SEC14L1: variants seen among roughly 807,000 people sequenced by gnomAD.
SEC14L1 encodes SEC14-like protein 1.
In SEC14L1, 48 loss-of-function variants were observed where a neutral mutation model predicts 85.3. The observed-to-expected ratio is 0.56, with a 90% CI of 0.45 to 0.72. The LOEUF is 0.72. Among genes scored for constraint, SEC14L1 ranks in the 30% least tolerant of loss-of-function variants. The pLI is 0.00. For missense variants in SEC14L1, 682 were observed against 921.4 expected (o/e 0.74, Z 3.36); for synonymous variants, 391 against 355.5 (o/e 1.10, Z -1.12).
At chr17:77,153,307 T>C (rs989615880) in intron 3 of SEC14L1, among the ~76,000 whole-genome samples, 1 of 152,194 alleles carries the variant, frequency 6.6e-6, no homozygotes, top group African/African-American at 2.4e-5. Flanking sequence ...CCTCAAGTGA[T>C]CCACCCTCCT....
At position 77,213,656 on chromosome 17, in the gene SEC14L1, C is replaced by T. The variant is rs1221407855; in HGVS notation, c.2042+164C>T. 1 of 905,354 alleles carries T rather than the reference C, an allele frequency of 1.1e-6. No individual in the cohort carries two copies. Among genetic ancestry groups the T allele is most frequent in the African/African-American group, 1.6e-5 (1 of 60,948 alleles). 56.1% of individuals were successfully genotyped at this position (905,354 alleles called of 1,614,324 possible). A position where few individuals can be genotyped will look rare whatever the true frequency, so the allele number is the denominator to read the frequency against. ...GGGGTCATTTGTTGGCACGGTGACT[C>T]CCTGCCTGTCTGCAGAGGGAGAGTG... On this transcript the variant is annotated intron_variant, in intron 16 of 16. Coordinates refer to ENST00000436233, the MANE Select transcript of SEC14L1 (RefSeq NM_001143998.2). The surrounding 1 kb of genome is among the most constrained non-coding windows in gnomAD (Gnocchi z 7.1).
intron 6 of SEC14L1, among the ~76,000 whole-genome samples, chr17:77,193,766 A>C (rs1975659873): frequency 6.6e-6 from 1 of 152,188 alleles, no homozygotes; most frequent in Non-Finnish European, 1.5e-5. Flanking sequence ...TAGCAATGGC[A>C]CTGTCTGCCT....
At position 77,216,702 on chromosome 17, in the gene SEC14L1, CT is replaced by C; in HGVS notation, c.*2683del. The C allele has an allele frequency of 1.4e-6, 2 of 1,471,198 alleles. No homozygotes were observed. The highest frequency in any genetic ancestry group is 1.9e-6 in the Non-Finnish European group (2 of 1,065,962). 91.1% of individuals were successfully genotyped at this position (1,471,198 alleles called of 1,614,324 possible). On this transcript the variant is annotated 3_prime_UTR_variant, in exon 17 of 17. Transcript: ENST00000436233. ...TTTAAGTTGATTCGGGAGTGGCATTCTTTTATACCCAAAGACTGTAGTGCAT... is the reference window on the plus strand; with the variant it reads ...TTTAAGTTGATTCGGGAGTGGCATTCTTTATACCCAAAGACTGTAGTGCAT...
intron 3 of SEC14L1, among the ~76,000 whole-genome samples, chr17:77,122,648 A>G (rs1034829133): frequency 2.6e-5 from 4 of 152,194 alleles, no homozygotes; most frequent in African/African-American, 9.6e-5. Flanking sequence ...CATATTTCTA[A>G]GATGACCGTG....
intron 3 of SEC14L1, among the ~76,000 whole-genome samples, chr17:77,166,073 T>C (rs1974264988): frequency 6.6e-6 from 1 of 152,202 alleles, no homozygotes; most frequent in African/African-American, 2.4e-5. Context: ...GTTCATGTGT[T>C]GCACAGAACA....
At chr17:77,110,877 CAAAA>C (rs1212651345) in intron 3 of SEC14L1, among the ~76,000 whole-genome samples, 1 of 46,650 alleles carries the variant, frequency 2.1e-5, no homozygotes, top group Non-Finnish European at 3.9e-5. Context: ...GACTCTGTCT[CAAAA>C]AAAAAAAAAA....
chr17:77,103,332 A>G (rs890560380), intron 3 of SEC14L1, among the ~76,000 whole-genome samples: 1 of 151,578 alleles, frequency 6.6e-6, no homozygotes, highest in Non-Finnish European at 1.5e-5. Context: ...AAGCTGGTCT[A>G]GAACTCCTGA....
chr17:77,183,825 ACT>A (rs1268335017), intron 3 of SEC14L1, among the ~76,000 whole-genome samples: 2 of 142,918 alleles, frequency 1.4e-5, no homozygotes, highest in Admixed American at 1.4e-4. Context: ...ATCTTTCAAG[ACT>A]CTGACATTTT....
intron 9 of SEC14L1, 108 bp from the exon 10 acceptor site, chr17:77,203,462 C>A: frequency 1.1e-6 from 1 of 889,830 alleles, no homozygotes; most frequent in Non-Finnish European, 1.7e-6. Context: ...GACTTTTAAG[C>A]GCCCCTAGAA....
At chr17:77,095,320 G>T (rs974475628) in intron 3 of SEC14L1, among the ~76,000 whole-genome samples, 4 of 152,226 alleles carry the variant, frequency 2.6e-5, no homozygotes, top group African/African-American at 9.6e-5. Context: ...TCTTAAGGCA[G>T]AAGAGTCTGC....
intron 3 of SEC14L1, among the ~76,000 whole-genome samples, chr17:77,119,147 T>C (rs1001593866): frequency 6.6e-6 from 1 of 151,944 alleles, no homozygotes; most frequent in Non-Finnish European, 1.5e-5. Context: ...CTGTCTCTAC[T>C]AAAAATACAA....
chr17:77,109,782 C>T (rs954080665), intron 3 of SEC14L1, among the ~76,000 whole-genome samples: 52 of 152,306 alleles, frequency 3.4e-4, no homozygotes, highest in African/African-American at 1.2e-3. Flanking sequence ...ACAAAACAGT[C>T]TACCAGTACT....
At chr17:77,209,231 T>C in intron 13 of SEC14L1, 111 bp from the exon 14 acceptor site, 1 of 1,339,202 alleles carries the variant, frequency 7.5e-7, no homozygotes, top group South Asian at 1.4e-5. Context: ...TTCCATTTTC[T>C]CAGCAACCTC....
intron 3 of SEC14L1, among the ~76,000 whole-genome samples, chr17:77,148,869 C>T (rs1344264464): frequency 6.6e-6 from 1 of 152,246 alleles, no homozygotes; most frequent in Non-Finnish European, 1.5e-5. Flanking sequence ...TCGGCAAGGC[C>T]ATTTGTGGCT....
chr17:77,187,870 G>C (rs147184897), intron 3 of SEC14L1, among the ~76,000 whole-genome samples: 1 of 151,222 alleles, frequency 6.6e-6, no homozygotes, highest in African/African-American at 2.4e-5. Flanking sequence ...TCAGCCTCCT[G>C]AGTAGCTAGA....
intron 3 of SEC14L1, among the ~76,000 whole-genome samples, chr17:77,163,458 C>G (rs1413204306): frequency 6.6e-6 from 1 of 151,694 alleles, no homozygotes; most frequent in Non-Finnish European, 1.5e-5. Flanking sequence ...CAGTATGTCA[C>G]CTTTCTTTCT....
chr17:77,104,807 A>AG (rs1491552431), intron 3 of SEC14L1, among the ~76,000 whole-genome samples: 42 of 142,770 alleles, frequency 2.9e-4, no homozygotes, highest in African/African-American at 1.0e-3. Context: ...AAAAAAAAAA[A>AG]GAAAGTTTTT....
intron 1 of SEC14L1, among the ~76,000 whole-genome samples, chr17:77,142,325 A>C (rs1366002529): frequency 6.6e-6 from 1 of 152,140 alleles, no homozygotes; most frequent in Non-Finnish European, 1.5e-5. Context: ...CTATAATCCT[A>C]GCACTTTGGG....
In SEC14L1 at chr17:77,213,642, T is replaced by A. The variant is rs1291666394; in HGVS notation, c.2042+150T>A. 1 of 986,204 alleles carries A rather than the reference T, an allele frequency of 1.0e-6. No homozygotes were observed. The allele number at this position is 986,204 out of a possible 1,614,324, so 61.1% of individuals were successfully genotyped here. On this transcript the variant is annotated intron_variant, in intron 16 of 16. Coordinates refer to ENST00000436233, the MANE Select transcript of SEC14L1 (RefSeq NM_001143998.2). The surrounding 1 kb of genome is among the most constrained non-coding windows in gnomAD (Gnocchi z 7.1). ...GAGGGAGTGGCTTTGGGGTCATTTGTTGGCACGGTGACTCCCTGCCTGTCT... is the reference window on the plus strand; with the variant it reads ...GAGGGAGTGGCTTTGGGGTCATTTGATGGCACGGTGACTCCCTGCCTGTCT...
Sources: allele counts gnomAD v4.1 joint callset (sites outside exome capture counted in the v4.1 genomes callset), GRCh38; gene constraint gnomAD v4.1.1; non-coding constraint Gnocchi (gnomAD v3.1); transcripts MANE v1.5; gene names NCBI Gene and HGNC (gene_info 2026-07-23, HGNC 2026-07-21).